The following MCAM variants were observed in gnomAD, a reference collection of about 807,000 sequenced individuals.
The protein encoded by MCAM is cell surface glycoprotein MUC18.
MCAM carries 55 observed loss-of-function variants against 79.1 expected under a neutral mutation model. The observed-to-expected ratio is 0.70, with a 90% CI of 0.56 to 0.87. The LOEUF is 0.87. MCAM is among the 40% of genes least tolerant of loss of function. MCAM has a pLI of 0.00. For missense variants in MCAM, 745 were observed against 839.8 expected, an observed-to-expected ratio of 0.89 and a Z score of 1.40; for synonymous variants, 330 against 339.8, an observed-to-expected ratio of 0.97 and a Z score of 0.32.
At position 119,314,531 on chromosome 11, in the gene MCAM, T is replaced by G; in HGVS notation, c.517A>C (p.Ile173Leu). Reference protein sequence around the residue: ...GRNGYPIPQVIWYKNGRPLKE... With the variant: ...GRNGYPIPQVLWYKNGRPLKE... The stretch of plus-strand genomic sequence containing the variant: ...AGAGGCCGGCCATTCTTGTACCAGA[T>G]GACTTGAGGAATGGGGTACCCGTTC... Residue 173 changes from isoleucine to leucine, a missense_variant, in exon 5 of 16, where the codon ATC (isoleucine) becomes CTC (leucine). Ile to Leu is a conservative substitution (Grantham distance 5). Transcript: ENST00000264036. 6.8e-6 allele frequency: 11 copies of G among 1,613,808 alleles called. No homozygotes were observed. Among genetic ancestry groups the G allele is most frequent in the Non-Finnish European group, 9.3e-6 (11 of 1,179,968 alleles).
rs376880626 is a variant in MCAM at position 119,315,305 on chromosome 11, G to A, written c.68-42C>T. 7 of 1,581,710 alleles carry A rather than the reference G, an allele frequency of 4.4e-6. No individual in the cohort carries two copies. The African/African-American group carries it at 6.7e-5, about 15-fold the overall frequency. Reference sequence around the variant, plus strand: ...GGGCCCCCGCAGCTGTGTCAGCTCCGGCTGCTGTCCGCCCCTCCCCTCGCA... The same window carrying A: ...GGGCCCCCGCAGCTGTGTCAGCTCCAGCTGCTGTCCGCCCCTCCCCTCGCA... On this transcript the variant is annotated intron_variant, in intron 1 of 15. Transcript: ENST00000264036. This position sits in a 1 kb window ranked among gnomAD's most constrained non-coding sequence, Gnocchi z 4.4.
Position 119,312,760 on chromosome 11 carries a change from T to C in MCAM, c.739+10A>G. On this transcript the variant is annotated intron_variant, in intron 6 of 15. Transcript: ENST00000264036. The surrounding 1 kb of genome is among the most constrained non-coding windows in gnomAD (Gnocchi z 4.9). ...AGCCCCAGTAAGCAGAGAGTCAGGT[T>C]AGTACTCACAGAAAACAGGGACGGT... The C allele has an allele frequency of 6.2e-7, 1 of 1,613,842 alleles. No homozygotes were observed. Among genetic ancestry groups the C allele is most frequent in the Non-Finnish European group, 8.5e-7 (1 of 1,179,886 alleles).
In MCAM at chr11:119,312,119, C is replaced by T. The variant is rs766156389; in HGVS notation, c.1076G>A (p.Ser359Asn). 1 of 1,613,590 alleles carries T rather than the reference C, an allele frequency of 6.2e-7. No individual in the cohort carries two copies. Among genetic ancestry groups the T allele is most frequent in the Non-Finnish European group, 8.5e-7 (1 of 1,179,818 alleles). ...TGCCTCACAGGTCAGGGTGAGGCTG[C>T]TGCCTTCCTGTCTCTCAGGGGCTGC... ...SPAAPERQEGSSLTLTCEAES... is the reference protein window; with the variant it reads ...SPAAPERQEGNSLTLTCEAES... The change falls in exon 9 of 16, where the codon AGC becomes AAC. Residue 359 changes from serine to asparagine, a missense_variant. Transcript: ENST00000264036. This position sits in a 1 kb window ranked among gnomAD's most constrained non-coding sequence, Gnocchi z 4.9.
In MCAM at chr11:119,312,176, G is replaced by A. The variant is rs1950243742; in HGVS notation, c.1025-6C>T. ...CACTCGGACGTCAGACACATCTGGG[G>A]GTACAGCAATCATGTCACCCAGGGC... is the stretch of plus-strand genomic sequence containing the variant. On this transcript the variant is annotated splice_polypyrimidine_tract_variant and splice_region_variant and intron_variant, in intron 8 of 15. Coordinates refer to ENST00000264036, the MANE Select transcript of MCAM (RefSeq NM_006500.3). This position sits in a 1 kb window ranked among gnomAD's most constrained non-coding sequence, Gnocchi z 4.9. The A allele has an allele frequency of 1.2e-6, 2 of 1,611,508 alleles. No homozygotes were observed. The highest frequency in any genetic ancestry group is 2.2e-5 in the South Asian group (2 of 90,718).
rs1226208768 is a variant in MCAM, at chr11:119,308,900, AAC to A, written c.*984_*985del. 2.0e-5 allele frequency: 3 copies of A among 152,248 alleles called. No individual in the cohort carries two copies. Among genetic ancestry groups the A allele is most frequent in the African/African-American group, 7.2e-5 (3 of 41,452 alleles). 9.4% of individuals were successfully genotyped at this position (152,248 alleles called of 1,614,324 possible). ...TCAAGAGGGCTATGGGAGCCAAGTGAACACGGGGGATTGAGGCTAATTCACCT... is the reference window on the plus strand; with the variant it reads ...TCAAGAGGGCTATGGGAGCCAAGTGAACGGGGGATTGAGGCTAATTCACCT... On this transcript the variant is annotated 3_prime_UTR_variant, in exon 16 of 16. Coordinates refer to ENST00000264036, the MANE Select transcript of MCAM (RefSeq NM_006500.3).
chr11:119,312,799 T>C lies in MCAM; in HGVS notation c.710A>G (p.Glu237Gly), dbSNP rs745479499. The C allele has an allele frequency of 1.9e-6, 3 of 1,614,200 alleles. No homozygotes were observed. The highest frequency in any genetic ancestry group is 2.5e-6 in the Non-Finnish European group (3 of 1,180,030). Residue 237 changes from glutamate to glycine, a missense_variant, in exon 6 of 16, where the codon GAG (glutamate) becomes GGG (glycine). Physicochemically the swap from Glu to Gly is moderately conservative, Grantham distance 98. Transcript: ENST00000264036. This position sits in a 1 kb window ranked among gnomAD's most constrained non-coding sequence, Gnocchi z 4.9. Reference sequence around the variant, plus strand: ...AACAGGGACGGTGACTTCCCTGGACTCCTTCATGTGGTTCCCACTGGGCAG... The same window carrying C: ...AACAGGGACGGTGACTTCCCTGGACCCCTTCATGTGGTTCCCACTGGGCAG... The part of the protein sequence containing the change: ...YRLPSGNHMK[E>G]SREVTVPVFY...
intron 5 of MCAM, chr11:119,313,211 G>C: frequency 6.9e-7 from 1 of 1,446,046 alleles, no homozygotes; most frequent in Non-Finnish European, 9.2e-7. Context: ...CAGCCGTCTA[G>C]ATGTCCACTA....
Position 119,311,330 on chromosome 11 carries a change from G to T in MCAM, c.1499C>A (p.Thr500Lys). 1 of 1,614,148 alleles carries T rather than the reference G, an allele frequency of 6.2e-7. No homozygotes were observed. Among genetic ancestry groups the T allele is most frequent in the Non-Finnish European group, 8.5e-7 (1 of 1,180,008 alleles). ...PELLETGVEC[T>K]ASNDLGKNTS... is the part of the protein sequence containing the mutation. ...GTTTTTGCCCAGGTCGTTGGAGGCCGTGCATTCAACACCTGTCTCCAACAG... is the reference window on the plus strand; with the variant it reads ...GTTTTTGCCCAGGTCGTTGGAGGCCTTGCATTCAACACCTGTCTCCAACAG... The change falls in exon 12 of 16, where the codon ACG becomes AAG. Residue 500 changes from threonine (T) to lysine (K), a missense_variant. Physicochemically the swap from Thr to Lys is moderately conservative, Grantham distance 78 (BLOSUM62 -1). Coordinates refer to ENST00000264036, the MANE Select transcript of MCAM (RefSeq NM_006500.3). The surrounding 1 kb of genome is among the most constrained non-coding windows in gnomAD (Gnocchi z 4.4).
Position 119,309,920 on chromosome 11 carries a change from A to T in MCAM, c.1912-5T>A. 1 of 1,600,162 alleles carries T rather than the reference A, an allele frequency of 6.2e-7. No individual in the cohort carries two copies. The highest frequency in any genetic ancestry group is 1.1e-5 in the South Asian group (1 of 88,226). ...CAGATCGATGTATTTCTCTCCCTAA[A>T]AGTGGGTAGAGGAGAAGAGGGGAAC... On this transcript the variant is annotated splice_region_variant and splice_polypyrimidine_tract_variant and intron_variant, in intron 15 of 15. Coordinates refer to ENST00000264036, the MANE Select transcript of MCAM (RefSeq NM_006500.3).
chr11:119,315,323 C>A lies in MCAM; in HGVS notation c.68-60G>T. ...CAGCTCCGGCTGCTGTCCGCCCCTC[C>A]CCTCGCAGCGCTGCTGCAGCTGTTT... On this transcript the variant is annotated intron_variant, in intron 1 of 15. Transcript: ENST00000264036. The surrounding 1 kb of genome is among the most constrained non-coding windows in gnomAD (Gnocchi z 4.4). 6.4e-7 allele frequency: 1 copy of A among 1,553,638 alleles called. No homozygotes were observed. The highest frequency in any genetic ancestry group is 1.4e-5 in the African/African-American group (1 of 73,784).
rs766105996 is a variant in MCAM at position 119,313,060 on chromosome 11, T to C, written c.560-111A>G. 17 of 1,567,078 alleles carry C rather than the reference T, an allele frequency of 1.1e-5. No homozygotes were observed. In the South Asian group the frequency reaches 1.4e-4, roughly 13 times the overall value. ...ACCATCTAAATAGCCCCCTGTCCCCTGTAGAAGGCCAGGTACAAATGCAAG... is the reference window on the plus strand; with the variant it reads ...ACCATCTAAATAGCCCCCTGTCCCCCGTAGAAGGCCAGGTACAAATGCAAG... On this transcript the variant is annotated intron_variant, in intron 5 of 15. Transcript: ENST00000264036.
At position 119,315,096 on chromosome 11, in the gene MCAM, G is replaced by C; in HGVS notation, c.192+43C>G. On this transcript the variant is annotated intron_variant, in intron 2 of 15. Transcript: ENST00000264036. This position sits in a 1 kb window ranked among gnomAD's most constrained non-coding sequence, Gnocchi z 4.4. ...GGTCCTGGGCTACAAGAGGGGCAGA[G>C]TCTCCCTCCCCGGGCTGCTCTTGCA... 6.2e-7 allele frequency: 1 copy of C among 1,612,130 alleles called. No individual in the cohort carries two copies. The highest frequency in any genetic ancestry group is 1.1e-5 in the South Asian group (1 of 91,084).
rs1321626328 is a variant in MCAM, at chr11:119,312,110, G to T, written c.1085C>A (p.Thr362Asn). 6.2e-7 allele frequency: 1 copy of T among 1,613,668 alleles called. No homozygotes were observed. The change falls in exon 9 of 16, where the codon ACC becomes AAC. Residue 362 changes from threonine to asparagine, a missense_variant. Coordinates refer to ENST00000264036, the MANE Select transcript of MCAM (RefSeq NM_006500.3). The surrounding 1 kb of genome is among the most constrained non-coding windows in gnomAD (Gnocchi z 4.9). ...APERQEGSSL[T>N]LTCEAESSQD... ...GCTACTCTCTGCCTCACAGGTCAGG[G>T]TGAGGCTGCTGCCTTCCTGTCTCTC... is the stretch of plus-strand genomic sequence containing the variant.
chr11:119,313,312 C>A, intron 5 of MCAM: 1 of 1,320,768 alleles, frequency 7.6e-7, no homozygotes, highest in Non-Finnish European at 9.9e-7. Context: ...ATAGACTGAC[C>A]CAGAAACATT....
intron 5 of MCAM, chr11:119,314,090 C>G (rs1195376454): frequency 5.4e-6 from 5 of 927,134 alleles, no homozygotes; most frequent in Non-Finnish European, 6.4e-6. Flanking sequence ...TTTCAAGTAC[C>G]ATTTGTATAA....
In MCAM at chr11:119,312,994, T is replaced by C; in HGVS notation, c.560-45A>G. ...AGGAAGACTCAGCCTCAGCCCCACC[T>C]CCAGCCCCACCCTAGGGTTGTCCAC... On this transcript the variant is annotated intron_variant, in intron 5 of 15. Coordinates refer to ENST00000264036, the MANE Select transcript of MCAM (RefSeq NM_006500.3). This position sits in a 1 kb window ranked among gnomAD's most constrained non-coding sequence, Gnocchi z 4.9. The C allele has an allele frequency of 1.2e-6, 2 of 1,612,096 alleles. No individual in the cohort carries two copies. Among genetic ancestry groups the C allele is most frequent in the Non-Finnish European group, 1.7e-6 (2 of 1,179,742 alleles).
At position 119,312,580 on chromosome 11, in the gene MCAM, T is replaced by C; in HGVS notation, c.808A>G (p.Ile270Val). ...GMLKEGDRVE[I>V]RCLADGNPPP... ...GGGTTGCCATCAGCCAAACACCTGA[T>C]TTCCACGCGGTCCCCTTCCTTCAGC... The change falls in exon 7 of 16, where the codon ATC becomes GTC. Residue 270 changes from isoleucine (I) to valine (V), a missense_variant. Transcript: ENST00000264036. The surrounding 1 kb of genome is among the most constrained non-coding windows in gnomAD (Gnocchi z 4.9). 6.2e-7 allele frequency: 1 copy of C among 1,614,166 alleles called. No individual in the cohort carries two copies. Among genetic ancestry groups the C allele is most frequent in the South Asian group, 1.1e-5 (1 of 91,080 alleles).
intron 5 of MCAM, chr11:119,313,180 T>C (rs777955728): frequency 1.3e-5 from 20 of 1,499,182 alleles, no homozygotes; most frequent in Non-Finnish European, 1.6e-5. Flanking sequence ...GTGCAAAGAA[T>C]GCTGCAATGA....
In MCAM at chr11:119,314,883, T is replaced by G; in HGVS notation, c.350A>C (p.Gln117Pro). 1 of 1,613,528 alleles carries G rather than the reference T, an allele frequency of 6.2e-7. No individual in the cohort carries two copies. The stretch of plus-strand genomic sequence containing the variant: ...CTCCTGGGACCGAGGGCGCTTGCCC[T>G]GGCACAAGAAGATGCGCTCGTCTTG... ...TPQDERIFLC[Q>P]GKRPRSQEYR... is the part of the protein sequence containing the mutation. Residue 117 changes from glutamine (Q) to proline (P), a missense_variant, in exon 3 of 16, where the codon CAG becomes CCG. Transcript: ENST00000264036.
Sources: gnomAD v4.1 joint callset for allele counts on GRCh38, gnomAD v4.1.1 for gene constraint, Gnocchi (gnomAD v3.1) non-coding constraint, MANE v1.5 for transcripts, NCBI Gene and HGNC (gene_info 2026-07-23, HGNC 2026-07-21) for gene names.